The following FOXP1 variants were observed in gnomAD, a reference collection of about 807,000 sequenced individuals.
FOXP1 encodes forkhead box P1.
In FOXP1, 15 loss-of-function variants were observed where a neutral mutation model predicts 98.2. The observed-to-expected ratio is 0.15, with a 90% CI of 0.10 to 0.24. The LOEUF (loss-of-function observed/expected upper bound fraction) is 0.24, where lower values mean the gene tolerates loss of function less well. FOXP1 is among the 10% of genes least tolerant of loss of function. The probability of loss-of-function intolerance (pLI) is 1.00; values close to 1 mark genes in which losing one functional copy is unlikely to be tolerated. For missense variants in FOXP1, 633 were observed against 848.5 expected (o/e 0.75, Z 3.15); for synonymous variants, 371 against 314.5 (o/e 1.18, Z -1.90).
chr3:71,484,724 T>C (rs9872585), intron 3 of FOXP1, among the ~76,000 whole-genome samples: 11,723 of 151,902 alleles, frequency 0.077, 616 homozygotes, highest in African/African-American at 0.14. Flanking sequence ...GAGACCACAC[T>C]CTCCCTAACC....
At chr3:71,198,487 G>A (rs745564539) in intron 5 of FOXP1, 95 bp from the exon 6 acceptor site, 3 of 1,122,256 alleles carry the variant, frequency 2.7e-6, no homozygotes, top group Non-Finnish European at 4.0e-6. Flanking sequence ...AAGGGCCTTG[G>A]TTTAAATGTT....
In FOXP1 at chr3:71,057,200, T is replaced by C. The variant is rs572732081; in HGVS notation, c.283-3427A>G. On this transcript the variant is annotated intron_variant, in intron 7 of 20. Transcript: ENST00000649528. The stretch of plus-strand genomic sequence containing the variant: ...CATAAAATCTAGCCAGTGGTTTAAA[T>C]CAATAGTATTTAAAACAGTCATGTG... 2.1e-5 allele frequency among the ~76,000 whole-genome samples: 3 copies of C among 145,700 alleles called. No individual in the cohort carries two copies. The East Asian group carries it at 6.6e-4, about 32-fold the overall frequency.
chr3:71,167,076 T>C (rs1025529930), intron 6 of FOXP1, among the ~76,000 whole-genome samples: 1 of 151,858 alleles, frequency 6.6e-6, no homozygotes, highest in African/African-American at 2.4e-5. Context: ...GGATACGAGA[T>C]CACAGTGTTA....
At chr3:70,992,453 G>A (rs186285286) in intron 13 of FOXP1, among the ~76,000 whole-genome samples, 338 of 152,286 alleles carry the variant, frequency 2.2e-3, no homozygotes, top group Admixed American at 5.2e-3. Context: ...GCAGTGACTA[G>A]AAGGAGCAGA....
intron 12 of FOXP1, among the ~76,000 whole-genome samples, chr3:71,004,132 C>G (rs1486682559): frequency 6.6e-6 from 1 of 151,854 alleles, no homozygotes; most frequent in East Asian, 1.9e-4. Flanking sequence ...ATTGTTTCTG[C>G]AAGAATGGAG....
At chr3:71,089,767 G>A (rs542625933) in intron 7 of FOXP1, among the ~76,000 whole-genome samples, 1 of 152,304 alleles carries the variant, frequency 6.6e-6, no homozygotes, top group Admixed American at 6.5e-5. Context: ...ATTCCAAAAT[G>A]CCTGGGCTCT....
At chr3:71,040,050 G>C (rs2048130468) in intron 11 of FOXP1, among the ~76,000 whole-genome samples, 1 of 151,350 alleles carries the variant, frequency 6.6e-6, no homozygotes, top group African/African-American at 2.4e-5. Flanking sequence ...CTCAACTCTG[G>C]TAACCACTCA....
At chr3:71,131,269 C>T (rs1484160858) in intron 6 of FOXP1, among the ~76,000 whole-genome samples, 2 of 152,044 alleles carry the variant, frequency 1.3e-5, no homozygotes, top group African/African-American at 4.8e-5. Context: ...TAACCCGCCC[C>T]AAAATGATTG....
intron 4 of FOXP1, among the ~76,000 whole-genome samples, chr3:71,308,805 GT>G (rs2074484845): frequency 1.5e-5 from 2 of 135,534 alleles, no homozygotes; most frequent in African/African-American, 5.4e-5. Context: ...GTGTGTGTGT[GT>G]GGGTGAGGGG....
chr3:71,582,712 C>A, intron 1 of FOXP1: 1 of 985,308 alleles, frequency 1.0e-6, no homozygotes, highest in Non-Finnish European at 1.2e-6. Flanking sequence ...TGGATCTGGC[C>A]ACGGCTGTTG....
chr3:71,323,352 C>T (rs2075505041), intron 4 of FOXP1, among the ~76,000 whole-genome samples: 1 of 152,050 alleles, frequency 6.6e-6, no homozygotes, highest in African/African-American at 2.4e-5. Flanking sequence ...ACTGCCATGA[C>T]CCTATTAAAA....
intron 2 of FOXP1, among the ~76,000 whole-genome samples, chr3:71,523,017 T>A (rs1345798688): frequency 6.6e-6 from 1 of 152,140 alleles, no homozygotes; most frequent in Non-Finnish European, 1.5e-5. Flanking sequence ...TTGCTGCAGA[T>A]GTAATTAGTT....
At chr3:71,429,974 T>C (rs2084547932) in intron 3 of FOXP1, among the ~76,000 whole-genome samples, 1 of 152,240 alleles carries the variant, frequency 6.6e-6, no homozygotes, top group African/African-American at 2.4e-5. Context: ...AAGCTACTTC[T>C]GCTCTACTGG....
At chr3:71,448,734 C>T (rs1577573153) in intron 3 of FOXP1, among the ~76,000 whole-genome samples, 1 of 152,188 alleles carries the variant, frequency 6.6e-6, no homozygotes, top group Non-Finnish European at 1.5e-5. Flanking sequence ...CTGTCGGCTG[C>T]TTTACTGTCC....
chr3:71,039,194 ACT>A (rs2048004433), intron 11 of FOXP1, among the ~76,000 whole-genome samples: 1 of 151,894 alleles, frequency 6.6e-6, no homozygotes, highest in East Asian at 1.9e-4. Flanking sequence ...CAATTGGAAA[ACT>A]CAGCCTGCTT....
At chr3:71,369,413 G>A (rs1042276633) in intron 3 of FOXP1, among the ~76,000 whole-genome samples, 4 of 152,036 alleles carry the variant, frequency 2.6e-5, no homozygotes, top group Admixed American at 6.6e-5. Flanking sequence ...AACAAAAACA[G>A]AAACGGAGTC....
intron 6 of FOXP1, among the ~76,000 whole-genome samples, chr3:71,171,490 C>T (rs2061651196): frequency 6.6e-6 from 1 of 152,186 alleles, no homozygotes. Context: ...TTTGTATTCC[C>T]GCTCCCGGCT....
In FOXP1 at chr3:71,561,214, G is replaced by A. The variant is rs188852038; in HGVS notation, c.-298+20335C>T. 3.9e-4 allele frequency among the ~76,000 whole-genome samples: 60 copies of A among 151,904 alleles called. 1 individual carries two copies. Among genetic ancestry groups the A allele is most frequent in the African/African-American group, 1.3e-3 (55 of 41,416 alleles). On this transcript the variant is annotated intron_variant, in intron 2 of 20. Transcript: ENST00000649528. Reference sequence around the variant, plus strand: ...TGGGATTACAGGCATGCACCACCACGCCCGGCTCATTTTGTATTTTTAGTA... The same window carrying A: ...TGGGATTACAGGCATGCACCACCACACCCGGCTCATTTTGTATTTTTAGTA...
chr3:71,153,720 C>A (rs1001994462), intron 6 of FOXP1, among the ~76,000 whole-genome samples: 27 of 152,098 alleles, frequency 1.8e-4, no homozygotes, highest in African/African-American at 6.3e-4. Flanking sequence ...AATAAATCCA[C>A]TCAAAGCTCC....
Sources: allele counts gnomAD v4.1 joint callset (sites outside exome capture counted in the v4.1 genomes callset), GRCh38; gene constraint gnomAD v4.1.1; transcripts MANE v1.5; gene names NCBI Gene and HGNC (gene_info 2026-07-23, HGNC 2026-07-21).